Variants in CXCR2 observed in about 807,000 individuals in gnomAD.
CXCR2 encodes the protein C-X-C motif chemokine receptor 2.
CXCR2 carries 2 observed loss-of-function variants against 3.7 expected under a neutral mutation model. The ratio of observed to expected loss-of-function variants is 0.55; its 90% CI spans 0.22 to 1.72. The LOEUF is 1.72. Ranked by LOEUF, CXCR2 falls within the 40% of genes most tolerant of loss-of-function variation. CXCR2 has a pLI of 0.19. For synonymous variants in CXCR2, 203 were observed against 193.3 expected, an observed-to-expected ratio of 1.05 and a Z score of -0.41; for missense variants, 351 against 450.1, an observed-to-expected ratio of 0.78 and a Z score of 1.99.
At chr2:218,131,303 C>A (rs1690640084) in intron 2 of CXCR2, among the ~76,000 whole-genome samples, 3 of 152,180 alleles carry the variant, frequency 2.0e-5, no homozygotes, top group Admixed American at 2.0e-4. Context: ...TGCTCTCAAC[C>A]ATGGGACTGA....
At chr2:218,129,765 C>T (rs1690598611) in intron 2 of CXCR2, among the ~76,000 whole-genome samples, 1 of 152,210 alleles carries the variant, frequency 6.6e-6, no homozygotes, top group Admixed American at 6.5e-5. Flanking sequence ...TGGAACTGTA[C>T]TAAAATGACT....
intron 2 of CXCR2, among the ~76,000 whole-genome samples, chr2:218,132,498 C>T (rs543893776): frequency 1.2e-4 from 18 of 152,142 alleles, no homozygotes; most frequent in Admixed American, 4.6e-4. Flanking sequence ...CTTAACAATG[C>T]GGATGCATTC....
chr2:218,135,030 A>C lies in CXCR2; in HGVS notation c.229A>C (p.Arg77=). The C allele has an allele frequency of 1.2e-6, 2 of 1,614,216 alleles. No homozygotes were observed. Among genetic ancestry groups the C allele is most frequent in the South Asian group, 1.1e-5 (1 of 91,088 alleles). ...SLVMLVILYS[R]VGRSVTDVYL... ...CGTGATGCTGGTCATCTTATACAGC[A>C]GGGTCGGCCGCTCCGTCACTGATGT... The change falls in exon 3 of 3, where the codon AGG becomes CGG. Residue 77 remains arginine, a synonymous_variant. Coordinates refer to ENST00000318507, the MANE Select transcript of CXCR2 (RefSeq NM_001557.4). The surrounding 1 kb of genome is among the most constrained non-coding windows in gnomAD (Gnocchi z 4.0).
At position 218,135,415 on chromosome 2, in the gene CXCR2, C is replaced by T; in HGVS notation, c.614C>T (p.Ala205Val). The change falls in exon 3 of 3, where the codon GCA becomes GTA. Residue 205 changes from alanine to valine, a missense_variant. Transcript: ENST00000318507. This position sits in a 1 kb window ranked among gnomAD's most constrained non-coding sequence, Gnocchi z 4.0. ...TATGAGGACATGGGCAACAATACAG[C>T]AAACTGGCGGATGCTGTTACGGATC... ...ACYEDMGNNT[A>V]NWRMLLRILP... 1 of 1,614,226 alleles carries T rather than the reference C, an allele frequency of 6.2e-7. No homozygotes were observed. Among genetic ancestry groups the T allele is most frequent in the Non-Finnish European group, 8.5e-7 (1 of 1,180,048 alleles).
chr2:218,135,089 C>G lies in CXCR2; in HGVS notation c.288C>G (p.Leu96=), dbSNP rs1468681522. ...TGAACCTAGCCTTGGCCGACCTACT[C>G]TTTGCCCTGACCTTGCCCATCTGGG... ...YLLNLALADL[L]FALTLPIWAA... is the part of the protein sequence containing the mutation. Residue 96 remains leucine, a synonymous_variant, in exon 3 of 3, where the codon CTC becomes CTG. Coordinates refer to ENST00000318507, the MANE Select transcript of CXCR2 (RefSeq NM_001557.4). This position sits in a 1 kb window ranked among gnomAD's most constrained non-coding sequence, Gnocchi z 4.0. The G allele has an allele frequency of 6.2e-7, 1 of 1,614,226 alleles. No individual in the cohort carries two copies. Among genetic ancestry groups the G allele is most frequent in the South Asian group, 1.1e-5 (1 of 91,084 alleles).
At position 218,134,669 on chromosome 2, in the gene CXCR2, A is replaced by T. The variant is rs374886297; in HGVS notation, c.-25-108A>T. 2.9e-4 allele frequency: 304 copies of T among 1,040,140 alleles called. 2 individuals carry two copies. In the South Asian group the frequency reaches 4.8e-3, roughly 16 times the overall value. 64.4% of individuals were successfully genotyped at this position (1,040,140 alleles called of 1,614,324 possible). A position where few individuals can be genotyped will look rare whatever the true frequency, so the allele number is the denominator to read the frequency against. On this transcript the variant is annotated intron_variant, in intron 2 of 2. Coordinates refer to ENST00000318507, the MANE Select transcript of CXCR2 (RefSeq NM_001557.4). ...TACAAATTTGAAGGGAAAAATTACT[A>T]CATTGTAATACTCAAGCCAACACAA... is the stretch of plus-strand genomic sequence containing the variant.
Position 218,136,129 on chromosome 2 carries a change from A to G in CXCR2, c.*245A>G, listed in dbSNP as rs200713198. 5.8e-6 allele frequency: 3 copies of G among 516,538 alleles called. No homozygotes were observed. The highest frequency in any genetic ancestry group is 1.1e-5 in the Non-Finnish European group (3 of 283,576). The allele number at this position is 516,538 out of a possible 1,614,324, so 32.0% of individuals were successfully genotyped here. On this transcript the variant is annotated 3_prime_UTR_variant, in exon 3 of 3. Transcript: ENST00000318507. The stretch of plus-strand genomic sequence containing the variant: ...TGGAGCTCTGCCCATCCTGCCCCTG[A>G]GCCCATGGCACTCTATGTTCTAAGA...
rs201271219 is a variant in CXCR2 at position 218,135,714 on chromosome 2, C to T, written c.913C>T (p.Leu305Phe). 1.9e-6 allele frequency: 3 copies of T among 1,614,030 alleles called. No individual in the cohort carries two copies. The highest frequency in any genetic ancestry group is 2.5e-6 in the Non-Finnish European group (3 of 1,180,024). Residue 305 changes from leucine (L) to phenylalanine (F), a missense_variant, in exon 3 of 3, where the codon CTT (leucine) becomes TTT (phenylalanine). By Grantham distance (22) the Leu-to-Phe change is conservative (BLOSUM62 0). Transcript: ENST00000318507. This position sits in a 1 kb window ranked among gnomAD's most constrained non-coding sequence, Gnocchi z 4.0. ...GGATGCCACCGAGATTCTGGGCATC[C>T]TTCACAGCTGCCTCAACCCCCTCAT... ...ALDATEILGI[L>F]HSCLNPLIYA...
chr2:218,133,289 G>C (rs910335173), intron 2 of CXCR2, among the ~76,000 whole-genome samples: 2 of 115,950 alleles, frequency 1.7e-5, no homozygotes, highest in African/African-American at 6.9e-5. Context: ...GAGAAACTGG[G>C]ATTTTTTTTT....
At position 218,135,534 on chromosome 2, in the gene CXCR2, C is replaced by T; in HGVS notation, c.733C>T (p.Gln245Ter). 1 of 1,614,206 alleles carries T rather than the reference C, an allele frequency of 6.2e-7. No homozygotes were observed. Among genetic ancestry groups the T allele is most frequent in the Non-Finnish European group, 8.5e-7 (1 of 1,180,038 alleles). The change falls in exon 3 of 3, where the codon CAG becomes TAG. Residue 245 changes from glutamine to a stop codon, truncating the protein, a stop_gained. Coordinates refer to ENST00000318507, the MANE Select transcript of CXCR2 (RefSeq NM_001557.4). LOFTEE classifies it high-confidence loss of function. The surrounding 1 kb of genome is among the most constrained non-coding windows in gnomAD (Gnocchi z 4.0). ...LRTLFKAHMG[Q>*]KHRAMRVIFA... ...TACGCTGTTTAAGGCCCACATGGGGCAGAAGCACCGGGCCATGCGGGTCAT... is the reference window on the plus strand; with the variant it reads ...TACGCTGTTTAAGGCCCACATGGGGTAGAAGCACCGGGCCATGCGGGTCAT...
rs1559454042 is a variant in CXCR2 at position 218,135,502 on chromosome 2, C to T, written c.701C>T (p.Thr234Ile). The T allele has an allele frequency of 3.7e-6, 6 of 1,614,174 alleles. No individual in the cohort carries two copies. Among genetic ancestry groups the T allele is most frequent in the East Asian group, 2.2e-5 (1 of 44,880 alleles). The change falls in exon 3 of 3, where the codon ACC becomes ATC. Residue 234 changes from threonine to isoleucine, a missense_variant. Transcript: ENST00000318507. This position sits in a 1 kb window ranked among gnomAD's most constrained non-coding sequence, Gnocchi z 4.0. ...LLIMLFCYGF[T>I]LRTLFKAHMG... is the part of the protein sequence containing the mutation. The stretch of plus-strand genomic sequence containing the variant: ...ATCATGCTGTTCTGCTACGGATTCA[C>T]CCTGCGTACGCTGTTTAAGGCCCAC...
rs1690758899 is a variant in CXCR2 at position 218,135,308 on chromosome 2, C to T, written c.507C>T (p.Ile169=). The change falls in exon 3 of 3, where the codon ATC becomes ATT. Residue 169 remains isoleucine, a synonymous_variant. Coordinates refer to ENST00000318507, the MANE Select transcript of CXCR2 (RefSeq NM_001557.4). The surrounding 1 kb of genome is among the most constrained non-coding windows in gnomAD (Gnocchi z 4.0). ...TGGTCAAATTCATATGTCTCAGCAT[C>T]TGGGGTCTGTCCTTGCTCCTGGCCC... ...RYLVKFICLS[I]WGLSLLLALP... is the part of the protein sequence containing the mutation. The T allele has an allele frequency of 6.2e-7, 1 of 1,614,216 alleles. No individual in the cohort carries two copies. Among genetic ancestry groups the T allele is most frequent in the East Asian group, 2.2e-5 (1 of 44,888 alleles).
At position 218,135,655 on chromosome 2, in the gene CXCR2, C is replaced by A. The variant is rs201881186; in HGVS notation, c.854C>A (p.Thr285Asn). The part of the protein sequence containing the change: ...TLMRTQVIQE[T>N]CERRNHIDRA... The stretch of plus-strand genomic sequence containing the variant: ...ATGAGGACCCAGGTGATCCAGGAGA[C>A]CTGTGAGCGCCGCAATCACATCGAC... Residue 285 changes from threonine to asparagine, a missense_variant, in exon 3 of 3, where the codon ACC (threonine) becomes AAC (asparagine). Transcript: ENST00000318507. The surrounding 1 kb of genome is among the most constrained non-coding windows in gnomAD (Gnocchi z 4.0). The A allele has an allele frequency of 1.8e-5, 29 of 1,614,024 alleles. No homozygotes were observed. Among genetic ancestry groups the A allele is most frequent in the Admixed American group, 3.3e-5 (2 of 60,008 alleles).
At position 218,135,352 on chromosome 2, in the gene CXCR2, G is replaced by C. The variant is rs760485215; in HGVS notation, c.551G>C (p.Arg184Pro). The part of the protein sequence containing the change: ...LLLALPVLLF[R>P]RTVYSSNVSP... ...CTGGCCCTGCCTGTCTTACTTTTCC[G>C]AAGGACCGTCTACTCATCCAATGTT... Residue 184 changes from arginine to proline, a missense_variant, in exon 3 of 3, where the codon CGA (arginine) becomes CCA (proline). Transcript: ENST00000318507. The surrounding 1 kb of genome is among the most constrained non-coding windows in gnomAD (Gnocchi z 4.0). The C allele has an allele frequency of 6.2e-7, 1 of 1,614,104 alleles. No homozygotes were observed. Among genetic ancestry groups the C allele is most frequent in the Non-Finnish European group, 8.5e-7 (1 of 1,180,008 alleles).
At chr2:218,130,237 A>G (rs1156550494) in intron 2 of CXCR2, among the ~76,000 whole-genome samples, 1 of 152,130 alleles carries the variant, frequency 6.6e-6, no homozygotes, top group Non-Finnish European at 1.5e-5. Flanking sequence ...CCCGACCAAC[A>G]TAGTGAAACC....
chr2:218,131,669 C>G lies in CXCR2; in HGVS notation c.-26+2304C>G, dbSNP rs549995958. ...TATTTTTAGTAGAGACGGGGTTTCA[C>G]TGCATTAGCCAGGATGGTCTCGATC... On this transcript the variant is annotated intron_variant, in intron 2 of 2. Transcript: ENST00000318507. Among the ~76,000 whole-genome samples the G allele has an allele frequency of 4.5e-4, 68 of 151,750 alleles. 1 individual carries two copies. The highest frequency in any genetic ancestry group is 1.6e-4 in the Non-Finnish European group (11 of 67,910).
chr2:218,131,201 C>G (rs1690637305), intron 2 of CXCR2, among the ~76,000 whole-genome samples: 1 of 152,192 alleles, frequency 6.6e-6, no homozygotes, highest in Non-Finnish European at 1.5e-5. Context: ...TCATTTGTTC[C>G]CTTAAGAGCA....
In CXCR2 at chr2:218,136,152, A is replaced by AT; in HGVS notation, c.*268_*269insT. On this transcript the variant is annotated 3_prime_UTR_variant, in exon 3 of 3. Transcript: ENST00000318507. ...TGAGCCCATGGCACTCTATGTTCTA[A>AT]GAAGTGAAAATCTACACTCCAGTGA... 1.8e-4 allele frequency: 75 copies of AT among 409,016 alleles called. No individual in the cohort carries two copies. Among genetic ancestry groups the AT allele is most frequent in the South Asian group, 1.2e-3 (20 of 17,176 alleles). The allele number at this position is 409,016 out of a possible 1,614,324, so 25.3% of individuals were successfully genotyped here.
chr2:218,127,620 C>A (rs1690541598), intron 1 of CXCR2, among the ~76,000 whole-genome samples: 1 of 152,162 alleles, frequency 6.6e-6, no homozygotes, highest in Admixed American at 6.5e-5. Context: ...AGGCTGGGAT[C>A]CTGCTCCTTA....
Sources: allele counts gnomAD v4.1 joint callset (sites outside exome capture counted in the v4.1 genomes callset), GRCh38; gene constraint gnomAD v4.1.1; non-coding constraint Gnocchi (gnomAD v3.1); transcripts MANE v1.5; gene names NCBI Gene and HGNC (gene_info 2026-07-23, HGNC 2026-07-21).